The following GABRG3 variants were observed in gnomAD, a reference collection of about 807,000 sequenced individuals.
The protein encoded by GABRG3 is gamma-aminobutyric acid receptor subunit gamma-3.
Under a neutral mutation model 48.8 loss-of-function variants are expected in GABRG3, and 25 were observed. The observed-to-expected ratio is 0.51, with a 90% CI of 0.37 to 0.72. The LOEUF (loss-of-function observed/expected upper bound fraction) is 0.72, where lower values mean the gene tolerates loss of function less well. GABRG3 is among the 30% of genes least tolerant of loss of function. The pLI, the probability that GABRG3 is intolerant of heterozygous loss-of-function variation, is 0.00. For synonymous variants in GABRG3, 227 were observed against 217.6 expected, an observed-to-expected ratio of 1.04 and a Z score of -0.38; for missense variants, 394 against 577.9, an observed-to-expected ratio of 0.68 and a Z score of 3.26.
rs1219765583 is a variant in GABRG3, at chr15:26,976,400, C to A, written c.54-602C>A. 6.6e-6 allele frequency among the ~76,000 whole-genome samples: 1 copy of A among 152,240 alleles called. No individual in the cohort carries two copies. The highest frequency in any genetic ancestry group is 2.4e-5 in the African/African-American group (1 of 41,470). On this transcript the variant is annotated intron_variant, in intron 1 of 9. Transcript: ENST00000615808. The surrounding 1 kb of genome is among the most constrained non-coding windows in gnomAD (Gnocchi z 7.8). ...GTGCAAGATTGCTAGAGGGTCTTCACCAGTCATCAGCGAACATCGCTGTCC... is the reference window on the plus strand; with the variant it reads ...GTGCAAGATTGCTAGAGGGTCTTCAACAGTCATCAGCGAACATCGCTGTCC...
At chr15:27,307,038 A>ACATGTATATATATAAACATGT (rs1566769941) in intron 3 of GABRG3, among the ~76,000 whole-genome samples, 1 of 84,166 alleles carries the variant, frequency 1.2e-5, no homozygotes, top group Non-Finnish European at 2.3e-5. Context: ...ACATGTATAA[A>ACATGTATATATATAAACATGT]ATAAACATGT....
intron 3 of GABRG3, among the ~76,000 whole-genome samples, chr15:27,084,735 T>TA (rs1421486824): frequency 6.6e-6 from 1 of 152,228 alleles, no homozygotes; most frequent in African/African-American, 2.4e-5. Flanking sequence ...GAACAGACTC[T>TA]ACGCTAGTTT....
In GABRG3 at chr15:27,118,942, C is replaced by T. The variant is rs189138290; in HGVS notation, c.270+92121C>T. Among the ~76,000 whole-genome samples the T allele has an allele frequency of 2.8e-4, 43 of 152,254 alleles. 1 individual carries two copies. In the East Asian group the frequency reaches 4.4e-3, roughly 16 times the overall value. ...TACACACTGCCCCAAAATATGGCAC[C>T]GTGGCCTTTGAGGGAACAACAGAAG... On this transcript the variant is annotated intron_variant, in intron 3 of 9. Coordinates refer to ENST00000615808, the MANE Select transcript of GABRG3 (RefSeq NM_033223.5).
At chr15:27,262,596 G>A (rs184419406) in intron 3 of GABRG3, among the ~76,000 whole-genome samples, 4 of 152,336 alleles carry the variant, frequency 2.6e-5, no homozygotes, top group Admixed American at 6.5e-5. Flanking sequence ...GAAGTGGGAC[G>A]ATGTCCTTAC....
chr15:27,306,721 A>T (rs1892508127), intron 3 of GABRG3, among the ~76,000 whole-genome samples: 1 of 130,274 alleles, frequency 7.7e-6, no homozygotes, highest in African/African-American at 2.9e-5. Context: ...CAATATAAAC[A>T]TGTTTATATA....
chr15:27,104,616 G>T (rs1373046019), intron 3 of GABRG3, among the ~76,000 whole-genome samples: 2 of 152,198 alleles, frequency 1.3e-5, no homozygotes, highest in African/African-American at 4.8e-5. Flanking sequence ...GCCTCAGTGG[G>T]TGTTTTGCCT....
intron 3 of GABRG3, among the ~76,000 whole-genome samples, chr15:27,314,170 AAC>A (rs1269317061): frequency 1.3e-5 from 2 of 152,200 alleles, no homozygotes; most frequent in Admixed American, 1.3e-4. Context: ...GGAAATGATC[AAC>A]AGAGTGAAAA....
At chr15:27,000,199 T>A (rs953088701) in intron 2 of GABRG3, among the ~76,000 whole-genome samples, 3 of 152,240 alleles carry the variant, frequency 2.0e-5, no homozygotes, top group Non-Finnish European at 4.4e-5. Context: ...CTAATCTTTG[T>A]TGACATTTCA....
chr15:27,100,046 C>T (rs561758856), intron 3 of GABRG3, among the ~76,000 whole-genome samples: 2 of 151,934 alleles, frequency 1.3e-5, no homozygotes, highest in Non-Finnish European at 2.9e-5. Flanking sequence ...GAAACCCCGT[C>T]TGTACTAAAA....
chr15:26,973,388 TA>T (rs1297356141), intron 1 of GABRG3, among the ~76,000 whole-genome samples: 3 of 152,226 alleles, frequency 2.0e-5, no homozygotes, highest in African/African-American at 7.2e-5. Flanking sequence ...GCAGATCAGT[TA>T]AAAAATCCAA....
intron 5 of GABRG3, among the ~76,000 whole-genome samples, chr15:27,373,186 C>A (rs1895471450): frequency 6.6e-6 from 1 of 152,074 alleles, no homozygotes; most frequent in Non-Finnish European, 1.5e-5. Flanking sequence ...GTATTTCTAC[C>A]TAGGAAATAA....
chr15:27,311,301 C>T (rs1892984047), intron 3 of GABRG3, among the ~76,000 whole-genome samples: 1 of 152,140 alleles, frequency 6.6e-6, no homozygotes, highest in South Asian at 2.1e-4. Context: ...ATAATCCCTG[C>T]CCTTGGCACT....
intron 5 of GABRG3, among the ~76,000 whole-genome samples, chr15:27,437,611 G>T (rs1398578912): frequency 6.6e-6 from 1 of 152,198 alleles, no homozygotes; most frequent in African/African-American, 2.4e-5. Flanking sequence ...GGAGAAAACT[G>T]GACATGGTCA....
At chr15:27,484,803 A>G (rs561255754) in intron 6 of GABRG3, among the ~76,000 whole-genome samples, 9 of 152,218 alleles carry the variant, frequency 5.9e-5, no homozygotes, top group Non-Finnish European at 8.8e-5. Context: ...AGATATCACA[A>G]TGGTCAAAGC....
intron 3 of GABRG3, among the ~76,000 whole-genome samples, chr15:27,163,938 G>A (rs886325736): frequency 2.0e-5 from 3 of 152,156 alleles, no homozygotes; most frequent in Admixed American, 1.3e-4. Context: ...TGCCAGTGTC[G>A]CTCAGCTGCA....
At chr15:27,330,441 C>T (rs1893766703) in intron 5 of GABRG3, among the ~76,000 whole-genome samples, 1 of 152,162 alleles carries the variant, frequency 6.6e-6, no homozygotes, top group Admixed American at 6.5e-5. Flanking sequence ...AGGCCCAGGT[C>T]CAGATCCAGA....
intron 3 of GABRG3, among the ~76,000 whole-genome samples, chr15:27,161,650 T>C (rs997162170): frequency 2.0e-5 from 3 of 152,210 alleles, no homozygotes; most frequent in Admixed American, 2.0e-4. Flanking sequence ...TTGAATACTT[T>C]AGCATTTTGA....
At chr15:27,452,845 A>C (rs959651286) in intron 5 of GABRG3, among the ~76,000 whole-genome samples, 6 of 152,234 alleles carry the variant, frequency 3.9e-5, no homozygotes, top group Non-Finnish European at 7.3e-5. Context: ...CTGCAATTCC[A>C]TGTTAATTGC....
At chr15:27,341,134 G>GTTTTTATATGTGGCTTTCCA (rs1219536333) in intron 5 of GABRG3, 75 of 279,608 alleles carry the variant, frequency 2.7e-4, no homozygotes, top group South Asian at 1.2e-3. Context: ...GTTTTGTTTT[G>GTTTTTATATGTGGCTTTCCA]TTTTTATATG....
Sources: gnomAD v4.1 joint callset for allele counts (sites outside exome capture counted in the v4.1 genomes callset) on GRCh38, gnomAD v4.1.1 for gene constraint, Gnocchi (gnomAD v3.1) non-coding constraint, MANE v1.5 for transcripts, NCBI Gene and HGNC (gene_info 2026-07-23, HGNC 2026-07-21) for gene names.